Variants in ROPN1 observed in about 807,000 individuals in gnomAD.
ROPN1 encodes rhophilin associated tail protein 1, also known as ropporin-1A.
Under a neutral mutation model 20.5 loss-of-function variants are expected in ROPN1, and 14 were observed. That is an observed-to-expected ratio of 0.68 (90% CI 0.45 to 1.07). The LOEUF is 1.07. Ranked by LOEUF, ROPN1 falls within the 50% of genes least tolerant of loss-of-function variation. ROPN1 has a pLI of 0.00. For synonymous variants in ROPN1, 76 were observed against 95.7 expected, an observed-to-expected ratio of 0.79 and a Z score of 1.20; for missense variants, 169 against 242.8, an observed-to-expected ratio of 0.70 and a Z score of 2.02.
At chr3:123,988,529 C>G (rs1164670054) in intron 1 of ROPN1, among the ~76,000 whole-genome samples, 1 of 152,140 alleles carries the variant, frequency 6.6e-6, no homozygotes, top group Non-Finnish European at 1.5e-5. Flanking sequence ...GTTTCCATTA[C>G]CATTCCTGAT....
chr3:123,980,253 G>T, intron 2 of ROPN1, 113 bp downstream of exon 2: 2 of 895,510 alleles, frequency 2.2e-6, no homozygotes, highest in Non-Finnish European at 1.8e-6. Flanking sequence ...AAACAAAGAC[G>T]ATGCCAGTTA....
At position 123,971,650 on chromosome 3, in the gene ROPN1, TGAGATGA is replaced by T. The variant is rs527553035; in HGVS notation, c.397-1440_397-1434del. 3.0e-4 allele frequency among the ~76,000 whole-genome samples: 45 copies of T among 152,216 alleles called. No homozygotes were observed. In the East Asian group the frequency reaches 8.5e-3, roughly 29 times the overall value. ...CTGGGAGGATGGTAAATCATGCATG[TGAGATGA>T]GGTCAGTGGGAGAATGGTTTGGGGT... On this transcript the variant is annotated intron_variant, in intron 4 of 5. Coordinates refer to ENST00000405845, the MANE Select transcript of ROPN1 (RefSeq NM_001317774.2).
intron 1 of ROPN1, among the ~76,000 whole-genome samples, chr3:123,987,911 A>G (rs2038303340): frequency 6.6e-6 from 1 of 152,222 alleles, no homozygotes; most frequent in Non-Finnish European, 1.5e-5. Flanking sequence ...TCATATTTCA[A>G]AGATTTCCCT....
Position 123,973,558 on chromosome 3 carries a change from G to T in ROPN1, c.396+1821C>A, listed in dbSNP as rs114235572. 2.6e-3 allele frequency among the ~76,000 whole-genome samples: 403 copies of T among 152,262 alleles called. 3 individuals carry two copies. Among genetic ancestry groups the T allele is most frequent in the African/African-American group, 9.3e-3 (387 of 41,558 alleles). On this transcript the variant is annotated intron_variant, in intron 4 of 5. Coordinates refer to ENST00000405845, the MANE Select transcript of ROPN1 (RefSeq NM_001317774.2). ...CCTCATGGTTTCCCCTCTCCAGTTT[G>T]GGAGGCAGGTACATCAGAGGAAACC... is the stretch of plus-strand genomic sequence containing the variant.
intron 4 of ROPN1, among the ~76,000 whole-genome samples, chr3:123,973,137 A>G (rs1456427250): frequency 6.6e-6 from 1 of 152,164 alleles, no homozygotes; most frequent in East Asian, 1.9e-4. Flanking sequence ...TGAGATTTCA[A>G]TATATGAATT....
Position 123,987,740 on chromosome 3 carries a change from T to C in ROPN1, c.-13+4182A>G, listed in dbSNP as rs142055987. On this transcript the variant is annotated intron_variant, in intron 1 of 5. Transcript: ENST00000405845. ...GCAATATTGCTAAGAGCAGTCCTAC[T>C]TGACCTTGTCCTTTTTTTGAGTAGT... is the stretch of plus-strand genomic sequence containing the variant. Among the ~76,000 whole-genome samples the C allele has an allele frequency of 2.8e-3, 427 of 152,398 alleles. 2 individuals are homozygous for C. The highest frequency in any genetic ancestry group is 5.0e-3 in the Non-Finnish European group (340 of 68,046).
chr3:123,973,996 T>C (rs1314998099), intron 4 of ROPN1, among the ~76,000 whole-genome samples: 1 of 152,176 alleles, frequency 6.6e-6, no homozygotes, highest in Non-Finnish European at 1.5e-5. Flanking sequence ...TACATTCAAC[T>C]GCCATCTTGG....
intron 2 of ROPN1, among the ~76,000 whole-genome samples, chr3:123,977,815 C>G (rs186994929): frequency 1.3e-5 from 2 of 152,134 alleles, no homozygotes; most frequent in Admixed American, 6.5e-5. Flanking sequence ...GTGGAGTGGA[C>G]TTCGTTTGGG....
intron 4 of ROPN1, among the ~76,000 whole-genome samples, chr3:123,973,849 A>G (rs1287037388): frequency 6.6e-6 from 1 of 152,196 alleles, no homozygotes; most frequent in Non-Finnish European, 1.5e-5. Context: ...AGACGAGACC[A>G]AAAACTTAAG....
Position 123,987,808 on chromosome 3 carries a change from A to G in ROPN1, c.-13+4114T>C, listed in dbSNP as rs1345816365. 1.2e-4 allele frequency among the ~76,000 whole-genome samples: 18 copies of G among 152,352 alleles called. No homozygotes were observed. In the East Asian group the frequency reaches 3.1e-3, roughly 26 times the overall value. ...GCAAATTTCCCAAACTTGCTTATATATCATGCTAGTATTACCTCTTGAAAG... is the reference window on the plus strand; with the variant it reads ...GCAAATTTCCCAAACTTGCTTATATGTCATGCTAGTATTACCTCTTGAAAG... On this transcript the variant is annotated intron_variant, in intron 1 of 5. Transcript: ENST00000405845.
intron 1 of ROPN1, among the ~76,000 whole-genome samples, chr3:123,985,873 A>T (rs2149001466): frequency 6.6e-6 from 1 of 151,500 alleles, no homozygotes; most frequent in Non-Finnish European, 1.5e-5. Flanking sequence ...TTAGCCGGGC[A>T]TGGTGGCACA....
rs139096719 is a variant in ROPN1 at position 123,988,205 on chromosome 3, G to A, written c.-13+3717C>T. 1.8e-3 allele frequency among the ~76,000 whole-genome samples: 266 copies of A among 151,876 alleles called. 1 individual carries two copies. Among genetic ancestry groups the A allele is most frequent in the African/African-American group, 6.0e-3 (247 of 41,386 alleles). Reference sequence around the variant, plus strand: ...CTGTCACCCAGGCTGGAATGCAGTGGCATGAGCTTGGCTCACTGCAACTTC... The same window carrying A: ...CTGTCACCCAGGCTGGAATGCAGTGACATGAGCTTGGCTCACTGCAACTTC... On this transcript the variant is annotated intron_variant, in intron 1 of 5. Coordinates refer to ENST00000405845, the MANE Select transcript of ROPN1 (RefSeq NM_001317774.2).
At chr3:123,980,542 C>A in intron 1 of ROPN1, 49 bp from the exon 2 acceptor site, 2 of 1,563,706 alleles carry the variant, frequency 1.3e-6, no homozygotes, top group Non-Finnish European at 1.7e-6. Context: ...TCGATTCATA[C>A]GATGAGAGCA....
intron 4 of ROPN1, among the ~76,000 whole-genome samples, chr3:123,971,647 A>T (rs980032086): frequency 5.9e-5 from 9 of 152,168 alleles, no homozygotes; most frequent in Non-Finnish European, 7.3e-5. Flanking sequence ...TAAATCATGC[A>T]TGTGAGATGA....
chr3:123,972,103 G>T (rs2148990449), intron 4 of ROPN1, among the ~76,000 whole-genome samples: 1 of 152,264 alleles, frequency 6.6e-6, no homozygotes, highest in Non-Finnish European at 1.5e-5. Flanking sequence ...CTCCAGAACT[G>T]AGAGACAACA....
At chr3:123,982,776 A>C (rs60544585) in intron 1 of ROPN1, among the ~76,000 whole-genome samples, 9,977 of 152,252 alleles carry the variant, frequency 0.066, 1,069 homozygotes, top group African/African-American at 0.22. Context: ...AGTGTCATTA[A>C]GTACATTCAC....
chr3:123,972,839 G>A (rs1019114770), intron 4 of ROPN1, among the ~76,000 whole-genome samples: 7 of 152,200 alleles, frequency 4.6e-5, no homozygotes, highest in Non-Finnish European at 7.3e-5. Context: ...CCACCAGATG[G>A]TGACCCCTGA....
chr3:123,981,768 T>C (rs1362701414), intron 1 of ROPN1, among the ~76,000 whole-genome samples: 2 of 152,248 alleles, frequency 1.3e-5, no homozygotes, highest in African/African-American at 4.8e-5. Context: ...ACTTTATTTA[T>C]GTTCTTTTAT....
At chr3:123,973,833 C>T (rs1218214570) in intron 4 of ROPN1, among the ~76,000 whole-genome samples, 1 of 152,136 alleles carries the variant, frequency 6.6e-6, no homozygotes, top group Non-Finnish European at 1.5e-5. Context: ...TTCACCAGTC[C>T]GGGAGAGACG....
Sources: gnomAD v4.1 joint callset for allele counts (sites outside exome capture counted in the v4.1 genomes callset) on GRCh38, gnomAD v4.1.1 for gene constraint, MANE v1.5 for transcripts, NCBI Gene and HGNC (gene_info 2026-07-23, HGNC 2026-07-21) for gene names.